The following GRM5 variants were observed in gnomAD, a reference collection of about 807,000 sequenced individuals.
GRM5 encodes glutamate metabotropic receptor 5.
A neutral mutation model predicts 83.1 loss-of-function variants in GRM5; 19 were observed. That is an observed-to-expected ratio of 0.23 (90% CI 0.16 to 0.34). GRM5 has a LOEUF of 0.34. GRM5 is among the 10% of genes least tolerant of loss of function. The probability of loss-of-function intolerance (pLI) is 1.00; values close to 1 mark genes in which losing one functional copy is unlikely to be tolerated. For missense variants in GRM5, 1,160 were observed against 1,588.3 expected (o/e 0.73, Z 4.58); for synonymous variants, 675 against 633.6 (o/e 1.07, Z -0.98).
At chr11:88,693,862 CG>C (rs76443724) in intron 3 of GRM5, among the ~76,000 whole-genome samples, 28,583 of 152,068 alleles carry the variant, frequency 0.19, 5,279 homozygotes, top group African/African-American at 0.47. Context: ...ATTCCTAATG[CG>C]TGATAGGATC....
At chr11:88,818,894 C>T (rs1449104580) in intron 3 of GRM5, among the ~76,000 whole-genome samples, 1 of 152,174 alleles carries the variant, frequency 6.6e-6, no homozygotes, top group Non-Finnish European at 1.5e-5. Flanking sequence ...CCCCCAAAGT[C>T]ATTGAATCCA....
chr11:88,698,915 T>A (rs921391069), intron 3 of GRM5, among the ~76,000 whole-genome samples: 12 of 152,192 alleles, frequency 7.9e-5, no homozygotes, highest in African/African-American at 2.9e-4. Context: ...GTGGAGAATT[T>A]ACAACCATCT....
chr11:88,874,320 C>A (rs1024901830), intron 2 of GRM5, among the ~76,000 whole-genome samples: 2 of 151,766 alleles, frequency 1.3e-5, no homozygotes, highest in Non-Finnish European at 2.9e-5. Flanking sequence ...GACAAAGTAT[C>A]AGAACACACA....
chr11:88,818,990 AT>A (rs1253941876), intron 3 of GRM5, among the ~76,000 whole-genome samples: 1 of 152,136 alleles, frequency 6.6e-6, no homozygotes, highest in Non-Finnish European at 1.5e-5. Flanking sequence ...ATCAGAAAGG[AT>A]TTTTTTCCTT....
chr11:88,775,497 G>T (rs931125623), intron 3 of GRM5, among the ~76,000 whole-genome samples: 2 of 151,996 alleles, frequency 1.3e-5, no homozygotes, highest in African/African-American at 2.4e-5. Flanking sequence ...GAATGTGTTT[G>T]CTCTTGCTTC....
chr11:88,754,649 TAC>T (rs768245005), intron 3 of GRM5, among the ~76,000 whole-genome samples: 19 of 152,280 alleles, frequency 1.2e-4, no homozygotes, highest in Non-Finnish European at 1.8e-4. Flanking sequence ...ATAAAAAATT[TAC>T]AGTTATTGGG....
intron 2 of GRM5, among the ~76,000 whole-genome samples, chr11:88,907,525 C>T (rs1213972608): frequency 6.6e-6 from 1 of 152,162 alleles, no homozygotes; most frequent in Non-Finnish European, 1.5e-5. Flanking sequence ...TATCTTCTCA[C>T]TAAATATTTG....
chr11:88,547,076 A>T (rs1394968200), intron 8 of GRM5, among the ~76,000 whole-genome samples: 1 of 152,198 alleles, frequency 6.6e-6, no homozygotes, highest in Non-Finnish European at 1.5e-5. Context: ...ATTAAAAAAC[A>T]GTTTTACCTA....
chr11:88,592,614 C>G (rs1332702857), intron 6 of GRM5, among the ~76,000 whole-genome samples: 1 of 152,074 alleles, frequency 6.6e-6, no homozygotes, highest in Non-Finnish European at 1.5e-5. Flanking sequence ...AAATTCATGC[C>G]CTTTTCCAAG....
intron 3 of GRM5, among the ~76,000 whole-genome samples, chr11:88,804,051 G>C (rs1943452324): frequency 1.3e-5 from 2 of 152,026 alleles, no homozygotes; most frequent in African/African-American, 4.8e-5. Context: ...TGCTGGAGAG[G>C]ATGTGGAGAA....
intron 6 of GRM5, among the ~76,000 whole-genome samples, chr11:88,592,736 A>T (rs141215359): frequency 6.6e-6 from 1 of 152,198 alleles, no homozygotes; most frequent in Non-Finnish European, 1.5e-5. Context: ...TCTGTTTCAC[A>T]TCTATTTTGA....
chr11:88,586,701 A>G (rs1030836440), intron 7 of GRM5, among the ~76,000 whole-genome samples: 1 of 152,212 alleles, frequency 6.6e-6, no homozygotes, highest in African/African-American at 2.4e-5. Flanking sequence ...GCACACAGCT[A>G]TAGGCTCTTT....
intron 2 of GRM5, among the ~76,000 whole-genome samples, chr11:88,960,302 T>A (rs1331343014): frequency 1.3e-5 from 2 of 152,184 alleles, no homozygotes; most frequent in Non-Finnish European, 2.9e-5. Flanking sequence ...TAACACATAT[T>A]ACAATTACTG....
At chr11:89,064,888 C>CTCTCTCTCTCTGTGTGTGTGTGTGTGTG (rs1218318990) in intron 1 of GRM5, among the ~76,000 whole-genome samples, 2 of 62,268 alleles carry the variant, frequency 3.2e-5, no homozygotes, top group African/African-American at 1.4e-4. Context: ...CTCTCTCTCT[C>CTCTCTCTCTCTGTGTGTGTGTGTGTGTG]TGTGTGTGTG....
intron 4 of GRM5, among the ~76,000 whole-genome samples, chr11:88,649,957 AG>A (rs1383787117): frequency 1.3e-5 from 2 of 151,864 alleles, no homozygotes; most frequent in African/African-American, 4.8e-5. Flanking sequence ...TACATATAAA[AG>A]TAAACTATAT....
chr11:88,668,002 AATGC>A (rs1940088577), intron 3 of GRM5, among the ~76,000 whole-genome samples: 1 of 152,192 alleles, frequency 6.6e-6, no homozygotes, highest in African/African-American at 2.4e-5. Flanking sequence ...AGAAATGAGA[AATGC>A]ACAAGTTATA....
chr11:88,836,525 C>T (rs777932789), intron 3 of GRM5, among the ~76,000 whole-genome samples: 1 of 152,058 alleles, frequency 6.6e-6, no homozygotes, highest in African/African-American at 2.4e-5. Context: ...ACAGGCCAGG[C>T]GCGGTGGCTT....
chr11:88,819,037 A>T (rs1206200164), intron 3 of GRM5, among the ~76,000 whole-genome samples: 2 of 152,196 alleles, frequency 1.3e-5, no homozygotes, highest in African/African-American at 4.8e-5. Flanking sequence ...CATTGGTTTA[A>T]ACTTCCAGCT....
At chr11:88,840,854 C>T (rs1433623460) in intron 3 of GRM5, among the ~76,000 whole-genome samples, 1 of 152,136 alleles carries the variant, frequency 6.6e-6, no homozygotes, top group Non-Finnish European at 1.5e-5. Context: ...AGAGGCATTG[C>T]TCAATAGCAA....
Sources: gnomAD v4.1 joint callset for allele counts (sites outside exome capture counted in the v4.1 genomes callset) on GRCh38, gnomAD v4.1.1 for gene constraint, MANE v1.5 for transcripts, NCBI Gene and HGNC (gene_info 2026-07-23, HGNC 2026-07-21) for gene names.